Variants in MGAT3 observed in about 807,000 individuals in gnomAD.
MGAT3 encodes beta-1,4-mannosyl-glycoprotein 4-beta-N-acetylglucosaminyltransferase.
MGAT3 carries 9 observed loss-of-function variants against 29.8 expected under a neutral mutation model. The ratio of observed to expected loss-of-function variants is 0.30; its 90% CI spans 0.18 to 0.53. The LOEUF (loss-of-function observed/expected upper bound fraction) is 0.53. Among genes scored for constraint, MGAT3 ranks in the 20% least tolerant of loss-of-function variants. The pLI is 0.96. For synonymous variants in MGAT3, 397 were observed against 348.9 expected (o/e 1.14, Z -1.54); for missense variants, 557 against 769.5 (o/e 0.72, Z 3.27).
Position 39,472,410 on chromosome 22 carries a change from G to A in MGAT3, c.-2+14853G>A, listed in dbSNP as rs181889233. Among the ~76,000 whole-genome samples, 47 of 152,222 alleles carry A rather than the reference G, an allele frequency of 3.1e-4. No individual in the cohort carries two copies. The East Asian group carries it at 8.5e-3, about 28-fold the overall frequency. On this transcript the variant is annotated intron_variant, in intron 1 of 1. Coordinates refer to ENST00000341184, the MANE Select transcript of MGAT3 (RefSeq NM_002409.5). ...TAGTGTTCCTTGGTTCCCTATCCTC[G>A]TCCCACTGAGAATGTCCAGTAGCCC...
Position 39,489,058 on chromosome 22 carries a change from G to A in MGAT3, c.*109G>A. ...TGGTTCTTGAGGGGACCAGGAGTGG[G>A]TGGGGAGTGGGGGTGGGGGTAGGGT... On this transcript the variant is annotated 3_prime_UTR_variant, in exon 2 of 2. Transcript: ENST00000341184. 3.3e-6 allele frequency: 4 copies of A among 1,222,324 alleles called. No homozygotes were observed. The highest frequency in any genetic ancestry group is 4.5e-6 in the Non-Finnish European group (4 of 896,916). 75.7% of individuals were successfully genotyped at this position (1,222,324 alleles called of 1,614,324 possible).
intron 1 of MGAT3, among the ~76,000 whole-genome samples, chr22:39,465,426 A>C (rs1928614027): frequency 6.6e-6 from 1 of 152,200 alleles, no homozygotes; most frequent in African/African-American, 2.4e-5. Context: ...GCACAAGTGA[A>C]AAACAGAGCC....
At chr22:39,458,817 A>G (rs561309601) in intron 1 of MGAT3, among the ~76,000 whole-genome samples, 295 of 152,310 alleles carry the variant, frequency 1.9e-3, no homozygotes, top group African/African-American at 7.0e-3. Flanking sequence ...CAGTGGGAAC[A>G]GTCAGGCACT....
At chr22:39,467,053 T>C (rs1018639771) in intron 1 of MGAT3, among the ~76,000 whole-genome samples, 28 of 152,364 alleles carry the variant, frequency 1.8e-4, no homozygotes, top group African/African-American at 6.5e-4. Flanking sequence ...GCTTGCAGTT[T>C]GCTTGCATGT....
intron 1 of MGAT3, among the ~76,000 whole-genome samples, chr22:39,465,484 A>C (rs1232208937): frequency 6.6e-6 from 1 of 152,166 alleles, no homozygotes; most frequent in Non-Finnish European, 1.5e-5. Context: ...TGTGTGTAAG[A>C]CGCTTTGTTA....
At position 39,489,000 on chromosome 22, in the gene MGAT3, C is replaced by A; in HGVS notation, c.*51C>A. 6.5e-7 allele frequency: 1 copy of A among 1,527,282 alleles called. No individual in the cohort carries two copies. The highest frequency in any genetic ancestry group is 8.8e-7 in the Non-Finnish European group (1 of 1,138,846). The allele number at this position is 1,527,282 out of a possible 1,614,324, so 94.6% of individuals were successfully genotyped here. A position where few individuals can be genotyped will look rare whatever the true frequency, so the allele number is the denominator to read the frequency against. ...GACAGGGCGGGGGTGGCGGCGGCCCCTAGCGCTATCTCCCTGCCTCCTGCC... is the reference window on the plus strand; with the variant it reads ...GACAGGGCGGGGGTGGCGGCGGCCCATAGCGCTATCTCCCTGCCTCCTGCC... On this transcript the variant is annotated 3_prime_UTR_variant, in exon 2 of 2. Coordinates refer to ENST00000341184, the MANE Select transcript of MGAT3 (RefSeq NM_002409.5).
chr22:39,473,824 A>C (rs1323885658), intron 1 of MGAT3, among the ~76,000 whole-genome samples: 1 of 26,700 alleles, frequency 3.7e-5, no homozygotes, highest in Non-Finnish European at 7.4e-5. Context: ...ATGGAAGTTA[A>C]GGGGAGGAGG....
intron 1 of MGAT3, chr22:39,486,144 ATTTTTT>A: frequency 2.7e-5 from 10 of 363,798 alleles, no homozygotes; most frequent in Admixed American, 3.8e-5. Flanking sequence ...TAGACCTCAA[ATTTTTT>A]TTTTTTTTTT....
chr22:39,466,500 G>GCTCCAGCCCCTTGGGCAATTGTCATA (rs1928651314), intron 1 of MGAT3, among the ~76,000 whole-genome samples: 1 of 152,164 alleles, frequency 6.6e-6, no homozygotes, highest in African/African-American at 2.4e-5. Context: ...CGTCCCCCAT[G>GCTCCAGCCCCTTGGGCAATTGTCATA]CTCCAGCCTC....
intron 1 of MGAT3, among the ~76,000 whole-genome samples, chr22:39,462,268 G>T (rs978206085): frequency 6.6e-6 from 1 of 152,222 alleles, no homozygotes; most frequent in African/African-American, 2.4e-5. Flanking sequence ...GCTTCCTGGT[G>T]TTCTTGCTGT....
At position 39,490,841 on chromosome 22, in the gene MGAT3, C is replaced by T. The variant is rs996986292; in HGVS notation, c.*1892C>T. 3 of 166,784 alleles carry T rather than the reference C, an allele frequency of 1.8e-5. No homozygotes were observed. The highest frequency in any genetic ancestry group is 3.4e-3 in the Middle Eastern group (1 of 296). The allele number at this position is 166,784 out of a possible 1,614,324, so 10.3% of individuals were successfully genotyped here. The stretch of plus-strand genomic sequence containing the variant: ...CCAGGCCCAGGCCTGGCCTCTTCCT[C>T]GGGCCTGTGGCCACACCTCCTGCAG... On this transcript the variant is annotated 3_prime_UTR_variant, in exon 2 of 2. Transcript: ENST00000341184.
At chr22:39,484,143 A>G (rs545106306) in intron 1 of MGAT3, among the ~76,000 whole-genome samples, 2 of 152,292 alleles carry the variant, frequency 1.3e-5, no homozygotes, top group East Asian at 3.9e-4. Context: ...CTCCTCTATA[A>G]AATGAAAGAG....
At chr22:39,478,637 A>G (rs1462564140) in intron 1 of MGAT3, among the ~76,000 whole-genome samples, 1 of 152,136 alleles carries the variant, frequency 6.6e-6, no homozygotes, top group African/African-American at 2.4e-5. Context: ...GCCGCCCTTC[A>G]CCAAGCGACA....
At position 39,489,643 on chromosome 22, in the gene MGAT3, G is replaced by C. The variant is rs541075964; in HGVS notation, c.*694G>C. The C allele has an allele frequency of 6.0e-6, 1 of 167,754 alleles. No individual in the cohort carries two copies. Among genetic ancestry groups the C allele is most frequent in the African/African-American group, 2.4e-5 (1 of 41,548 alleles). The allele number at this position is 167,754 out of a possible 1,614,324, so 10.4% of individuals were successfully genotyped here. A position where few individuals can be genotyped will look rare whatever the true frequency, so the allele number is the denominator to read the frequency against. ...CTCAGGCTGTCGTGAGCCAACACAG[G>C]GGCCTGGAGAACCCTGAGGAGCTTT... On this transcript the variant is annotated 3_prime_UTR_variant, in exon 2 of 2. Transcript: ENST00000341184.
chr22:39,458,077 C>T (rs1928390685), intron 1 of MGAT3, among the ~76,000 whole-genome samples: 1 of 152,146 alleles, frequency 6.6e-6, no homozygotes, highest in African/African-American at 2.4e-5. Context: ...CCCCTGGGGA[C>T]CAGGCAGAGG....
In MGAT3 at chr22:39,489,052, G is replaced by C; in HGVS notation, c.*103G>C. ...GCTCCTTGGTTCTTGAGGGGACCAGGAGTGGGTGGGGAGTGGGGGTGGGGG... is the reference window on the plus strand; with the variant it reads ...GCTCCTTGGTTCTTGAGGGGACCAGCAGTGGGTGGGGAGTGGGGGTGGGGG... On this transcript the variant is annotated 3_prime_UTR_variant, in exon 2 of 2. Transcript: ENST00000341184. 1 of 909,520 alleles carries C rather than the reference G, an allele frequency of 1.1e-6. No homozygotes were observed. Among genetic ancestry groups the C allele is most frequent in the Non-Finnish European group, 1.6e-6 (1 of 639,966 alleles). 56.3% of individuals were successfully genotyped at this position (909,520 alleles called of 1,614,324 possible).
chr22:39,488,814 G>C lies in MGAT3; in HGVS notation c.1467G>C (p.Lys489Asn). ...TGTATGCGCCCAAGTACCTGCTGAA[G>C]AACTACGACCGGTTCCACTACCTGC... ...EHMYAPKYLL[K>N]NYDRFHYLLD... The change falls in exon 2 of 2, where the codon AAG becomes AAC. Residue 489 changes from lysine to asparagine, a missense_variant. By Grantham distance (94) the Lys-to-Asn change is moderately conservative. Around this residue, in one of 3 missense-constraint regions of MGAT3, gnomAD observed 102 missense variants for 97.0 expected, o/e 1.05. Transcript: ENST00000341184. The C allele has an allele frequency of 6.2e-7, 1 of 1,610,848 alleles. No individual in the cohort carries two copies. The highest frequency in any genetic ancestry group is 8.5e-7 in the Non-Finnish European group (1 of 1,178,566).
At chr22:39,465,912 A>G (rs1928631356) in intron 1 of MGAT3, among the ~76,000 whole-genome samples, 1 of 151,374 alleles carries the variant, frequency 6.6e-6, no homozygotes, top group Non-Finnish European at 1.5e-5. Context: ...AACCTGGGTG[A>G]CAGAGTGAGA....
chr22:39,465,256 G>T (rs1441036669), intron 1 of MGAT3, among the ~76,000 whole-genome samples: 2 of 152,190 alleles, frequency 1.3e-5, no homozygotes, highest in Non-Finnish European at 2.9e-5. Flanking sequence ...CCACACAGGG[G>T]ATCCTCAGCT....
Sources: gnomAD v4.1 joint callset for allele counts (sites outside exome capture counted in the v4.1 genomes callset) on GRCh38, gnomAD v4.1.1 for gene constraint, gnomAD v4.1.1 regional missense constraint, MANE v1.5 for transcripts, NCBI Gene and HGNC (gene_info 2026-07-23, HGNC 2026-07-21) for gene names.